Variants in NEBL observed in about 807,000 individuals in gnomAD.
The protein encoded by NEBL is nebulette, also known as LIM and SH3 protein 2.
In NEBL, 122 loss-of-function variants were observed where a neutral mutation model predicts 140.2. The observed-to-expected ratio is 0.87, with a 90% CI of 0.75 to 1.01. The LOEUF (loss-of-function observed/expected upper bound fraction) is 1.01. NEBL is among the 50% of genes least tolerant of loss of function. The pLI is 0.00. For missense variants in NEBL, 1,365 were observed against 1,231.3 expected, an observed-to-expected ratio of 1.11 and a Z score of -1.62; for synonymous variants, 436 against 398.9, an observed-to-expected ratio of 1.09 and a Z score of -1.11.
intron 7 of NEBL, among the ~76,000 whole-genome samples, chr10:20,864,013 TA>T (rs1844008991): frequency 2.0e-5 from 3 of 152,204 alleles, no homozygotes; most frequent in Admixed American, 2.0e-4. Flanking sequence ...TGCTTACTAC[TA>T]AATTTTCATG....
intron 3 of NEBL, among the ~76,000 whole-genome samples, chr10:21,209,564 G>A (rs538322804): frequency 8.4e-4 from 127 of 151,918 alleles, no homozygotes; most frequent in Middle Eastern, 6.8e-3. Flanking sequence ...GACCCAATAC[G>A]TGCCAATAGC....
chr10:21,125,196 ACACACACG>A (rs1838764149), intron 2 of NEBL, among the ~76,000 whole-genome samples: 1 of 151,032 alleles, frequency 6.6e-6, no homozygotes, highest in African/African-American at 2.5e-5. Context: ...GCTCACAGGC[ACACACACG>A]CACACACATG....
At position 20,823,285 on chromosome 10, in the gene NEBL, C is replaced by T; in HGVS notation, c.1885G>A (p.Glu629Lys). 6.2e-7 allele frequency: 1 copy of T among 1,606,512 alleles called. No individual in the cohort carries two copies. Among genetic ancestry groups the T allele is most frequent in the South Asian group, 1.1e-5 (1 of 90,680 alleles). ...GAAATGGCTGTTGCATGTTTAATCT[C>T]TTCTTTGTATTTCACCTGCATAATT... ...QNISSVKYKE[E>K]IKHATAISDP... Residue 629 changes from glutamate to lysine, a missense_variant, in exon 19 of 28, where the codon GAG (glutamate) becomes AAG (lysine). This residue lies in a region of NEBL where 1,323 missense variants were observed against 1,154.8 expected (regional missense o/e 1.15). Coordinates refer to ENST00000377122, the MANE Select transcript of NEBL (RefSeq NM_006393.3).
chr10:21,036,549 T>C (rs1834023703), intron 2 of NEBL, among the ~76,000 whole-genome samples: 1 of 151,974 alleles, frequency 6.6e-6, no homozygotes, highest in African/African-American at 2.4e-5. Context: ...TAGGAGCAGA[T>C]TGATAGAAAA....
intron 2 of NEBL, among the ~76,000 whole-genome samples, chr10:21,171,335 CAAAAAAAAAAAAAAG>C (rs778414419): frequency 4.5e-5 from 3 of 66,730 alleles, no homozygotes; most frequent in Non-Finnish European, 3.3e-5. Flanking sequence ...ACTTCTGTCT[CAAAAAAAAAAAAAAG>C]AAAAAAAAAA....
intron 4 of NEBL, among the ~76,000 whole-genome samples, chr10:20,938,417 T>C (rs1432773797): frequency 6.6e-6 from 1 of 152,090 alleles, no homozygotes; most frequent in African/African-American, 2.4e-5. Context: ...AGAAAGGACA[T>C]CCACACCAAA....
intron 3 of NEBL, among the ~76,000 whole-genome samples, chr10:21,004,849 G>A (rs1838063158): frequency 6.6e-6 from 1 of 152,202 alleles, no homozygotes; most frequent in Non-Finnish European, 1.5e-5. Flanking sequence ...CATACAGGTA[G>A]GCAGGAAAAG....
intron 3 of NEBL, among the ~76,000 whole-genome samples, chr10:21,231,642 G>GGAA (rs1842254528): frequency 6.7e-6 from 1 of 148,740 alleles, no homozygotes; most frequent in South Asian, 2.2e-4. Context: ...GAACATCAGA[G>GGAA]GAAGGTACAG....
intron 3 of NEBL, among the ~76,000 whole-genome samples, chr10:21,233,133 G>A (rs935019679): frequency 6.6e-6 from 1 of 152,094 alleles, no homozygotes; most frequent in African/African-American, 2.4e-5. Flanking sequence ...CACAATGTTG[G>A]TTCACTGCAA....
At chr10:21,156,344 G>A (rs937385463) in intron 2 of NEBL, among the ~76,000 whole-genome samples, 1 of 152,212 alleles carries the variant, frequency 6.6e-6, no homozygotes, top group African/African-American at 2.4e-5. Flanking sequence ...CAGTATTTAG[G>A]AGGCATTGAA....
At position 21,255,837 on chromosome 10, in the gene NEBL, A is replaced by G. The variant is rs527967836; in HGVS notation, n.183-4009T>C. 5.9e-3 allele frequency among the ~76,000 whole-genome samples: 903 copies of G among 152,002 alleles called. 6 individuals carry two copies. Among genetic ancestry groups the G allele is most frequent in the African/African-American group, 0.021 (858 of 41,476 alleles). ...ATGGTGAAACCCCATCTCTACTAAAAATACAAAAAATTAGCCAGGCGTGGG... is the reference window on the plus strand; with the variant it reads ...ATGGTGAAACCCCATCTCTACTAAAGATACAAAAAATTAGCCAGGCGTGGG... On this transcript the variant is annotated intron_variant and non_coding_transcript_variant, in intron 1 of 8. Coordinates refer to the NEBL transcript ENST00000675702.
At chr10:20,849,211 C>T (rs1842255466) in intron 11 of NEBL, among the ~76,000 whole-genome samples, 1 of 151,792 alleles carries the variant, frequency 6.6e-6, no homozygotes, top group Non-Finnish European at 1.5e-5. Flanking sequence ...AGAAGGAAAA[C>T]ACACACACAT....
chr10:21,252,340 C>T (rs1486835232), intron 1 of NEBL, among the ~76,000 whole-genome samples: 1 of 152,152 alleles, frequency 6.6e-6, no homozygotes, highest in Non-Finnish European at 1.5e-5. Flanking sequence ...TGGAAAATCA[C>T]ACAAGCACTA....
chr10:20,791,866 T>A (rs1475649579), intron 26 of NEBL, among the ~76,000 whole-genome samples: 1 of 152,142 alleles, frequency 6.6e-6, no homozygotes, highest in African/African-American at 2.4e-5. Flanking sequence ...AAGAAGAGAA[T>A]ATGATTAAGT....
At chr10:21,071,122 T>C (rs1445386515) in intron 2 of NEBL, among the ~76,000 whole-genome samples, 1 of 151,788 alleles carries the variant, frequency 6.6e-6, no homozygotes, top group Admixed American at 6.6e-5. Flanking sequence ...AAGTGAGTCA[T>C]GATGGCCCAC....
intron 3 of NEBL, among the ~76,000 whole-genome samples, chr10:21,221,502 C>CT (rs567524732): frequency 1.3e-5 from 2 of 150,026 alleles, no homozygotes; most frequent in Non-Finnish European, 3.0e-5. Context: ...TGTCTGATTT[C>CT]TTTCTTTCTT....
chr10:21,224,960 T>TA (rs1456646997), intron 3 of NEBL, among the ~76,000 whole-genome samples: 1 of 152,196 alleles, frequency 6.6e-6, no homozygotes, highest in African/African-American at 2.4e-5. Flanking sequence ...AGGATACTTT[T>TA]ACTCCTTCCT....
At chr10:21,121,076 C>T (rs572482501) in intron 2 of NEBL, among the ~76,000 whole-genome samples, 22 of 152,238 alleles carry the variant, frequency 1.4e-4, no homozygotes, top group Admixed American at 1.1e-3. Context: ...TGACTGAAAA[C>T]CCCAGGAGAT....
chr10:21,042,289 C>T (rs1007580991), intron 2 of NEBL, among the ~76,000 whole-genome samples: 3 of 152,172 alleles, frequency 2.0e-5, no homozygotes, highest in African/African-American at 7.2e-5. Context: ...GAGTACACAG[C>T]TAGTGAGTGT....
Sources: gnomAD v4.1 joint callset for allele counts (sites outside exome capture counted in the v4.1 genomes callset) on GRCh38, gnomAD v4.1.1 for gene constraint, gnomAD v4.1.1 regional missense constraint, MANE v1.5 for transcripts, NCBI Gene and HGNC (gene_info 2026-07-23, HGNC 2026-07-21) for gene names.